Variants in HDAC9 observed in about 807,000 individuals in gnomAD.
HDAC9 encodes histone deacetylase 9, also known as MEF-2 interacting transcription repressor (MITR) protein.
Under a neutral mutation model 139.4 loss-of-function variants are expected in HDAC9, and 41 were observed. The observed-to-expected ratio is 0.29, with a 90% CI of 0.23 to 0.38. The LOEUF is 0.38. HDAC9 is among the 10% of genes least tolerant of loss of function. HDAC9 has a pLI of 1.00. For missense variants in HDAC9, 1,147 were observed against 1,297.0 expected, an observed-to-expected ratio of 0.88 and a Z score of 1.78; for synonymous variants, 517 against 476.2, an observed-to-expected ratio of 1.09 and a Z score of -1.12.
intron 2 of HDAC9, among the ~76,000 whole-genome samples, chr7:18,520,462 G>A (rs1804674604): frequency 1.3e-5 from 2 of 152,168 alleles, no homozygotes; most frequent in Non-Finnish European, 2.9e-5. Flanking sequence ...CCTAAATGGA[G>A]TTGGTTAATT....
intron 23 of HDAC9, chr7:18,949,294 CT>C (rs1782622471): frequency 1.4e-5 from 3 of 210,396 alleles, no homozygotes; most frequent in Non-Finnish European, 2.9e-5. Flanking sequence ...CAAGTTTTTA[CT>C]TTTTTTCTGT....
chr7:18,369,561 G>A (rs1784438303), intron 1 of HDAC9, among the ~76,000 whole-genome samples: 1 of 151,186 alleles, frequency 6.6e-6, no homozygotes, highest in South Asian at 2.1e-4. Flanking sequence ...ATTTTATCTT[G>A]AGCTTGATAT....
intron 17 of HDAC9, among the ~76,000 whole-genome samples, chr7:18,799,265 G>A (rs1001394039): frequency 2.0e-5 from 3 of 152,040 alleles, no homozygotes; most frequent in African/African-American, 7.2e-5. Flanking sequence ...AGAAAATGAC[G>A]ATAACAAAAA....
chr7:18,501,734 C>T (rs1474391015), intron 2 of HDAC9, among the ~76,000 whole-genome samples: 1 of 152,108 alleles, frequency 6.6e-6, no homozygotes, highest in Non-Finnish European at 1.5e-5. Flanking sequence ...TTTCTTTCAG[C>T]ATCATACCTC....
chr7:18,504,983 C>T (rs1799363194), intron 2 of HDAC9, among the ~76,000 whole-genome samples: 1 of 152,082 alleles, frequency 6.6e-6, no homozygotes, highest in African/African-American at 2.4e-5. Context: ...CTTCTTAATC[C>T]TGGGAGGTTT....
chr7:18,602,601 G>A (rs114281315), intron 6 of HDAC9, among the ~76,000 whole-genome samples: 6 of 151,280 alleles, frequency 4.0e-5, no homozygotes, highest in Non-Finnish European at 8.8e-5. Flanking sequence ...TTTGCCTCTA[G>A]GCACTGCTTT....
intron 14 of HDAC9, among the ~76,000 whole-genome samples, chr7:18,758,979 A>C (rs1789131178): frequency 6.6e-6 from 1 of 152,096 alleles, no homozygotes; most frequent in African/African-American, 2.4e-5. Context: ...AGCCAGTGTA[A>C]AATAGTTGCT....
chr7:18,147,003 G>A (rs1334481489), intron 1 of HDAC9, among the ~76,000 whole-genome samples: 1 of 152,176 alleles, frequency 6.6e-6, no homozygotes, highest in Non-Finnish European at 1.5e-5. Flanking sequence ...CTCAATATTT[G>A]CATATTTTAG....
chr7:18,695,051 A>G (rs939125183), intron 12 of HDAC9, among the ~76,000 whole-genome samples: 3 of 152,286 alleles, frequency 2.0e-5, no homozygotes, highest in Non-Finnish European at 4.4e-5. Context: ...TGGAATTAGT[A>G]AGGACATAAG....
chr7:18,976,917 G>A (rs1480998764), intron 25 of HDAC9, among the ~76,000 whole-genome samples: 1 of 152,164 alleles, frequency 6.6e-6, no homozygotes, highest in East Asian at 1.9e-4. Flanking sequence ...CCTGCTACTA[G>A]TGCACAGGTT....
At chr7:18,652,014 T>C (rs1259451349) in intron 11 of HDAC9, among the ~76,000 whole-genome samples, 1 of 152,180 alleles carries the variant, frequency 6.6e-6, no homozygotes, top group African/African-American at 2.4e-5. Context: ...TTGAGAAGTT[T>C]AATCATAAAG....
In HDAC9 at chr7:18,791,262, TTCTTGAGTCACCGAATACA is replaced by T. The variant is rs372458961; in HGVS notation, c.2215-2078_2215-2060del. ...AAAAGGGCTTAGGAATTTTACATGGTTCTTGAGTCACCGAATACATCTTTTGGAATTTATTTATTTTATT... is the reference window on the plus strand; with the variant it reads ...AAAAGGGCTTAGGAATTTTACATGGTTCTTTTGGAATTTATTTATTTTATT... On this transcript the variant is annotated intron_variant, in intron 16 of 25. Transcript: ENST00000686413. 4.6e-3 allele frequency among the ~76,000 whole-genome samples: 698 copies of T among 152,334 alleles called. 5 individuals are homozygous for T. Among genetic ancestry groups the T allele is most frequent in the African/African-American group, 0.016 (665 of 41,576 alleles).
chr7:18,263,941 G>A (rs945405050), intron 2 of HDAC9, among the ~76,000 whole-genome samples: 14 of 152,002 alleles, frequency 9.2e-5, no homozygotes, highest in African/African-American at 3.4e-4. Flanking sequence ...AGATTTTAAA[G>A]GACAATAATT....
chr7:18,254,561 A>G (rs757794394), intron 2 of HDAC9, among the ~76,000 whole-genome samples: 1 of 152,224 alleles, frequency 6.6e-6, no homozygotes, highest in Admixed American at 6.5e-5. Context: ...AGAGTAGCAT[A>G]GAAAGGCTTT....
At chr7:18,096,820 C>T (rs1031623901) in intron 1 of HDAC9, among the ~76,000 whole-genome samples, 10 of 151,770 alleles carry the variant, frequency 6.6e-5, no homozygotes, top group Non-Finnish European at 1.5e-4. Context: ...CGTAGCACAG[C>T]AACTCTCACA....
At chr7:18,800,321 C>T (rs747448184) in intron 17 of HDAC9, among the ~76,000 whole-genome samples, 5 of 152,108 alleles carry the variant, frequency 3.3e-5, no homozygotes, top group Admixed American at 1.3e-4. Flanking sequence ...CTTTCTTATT[C>T]TTCCTCACTA....
chr7:18,744,288 G>A (rs752068764), intron 13 of HDAC9, among the ~76,000 whole-genome samples: 10 of 152,012 alleles, frequency 6.6e-5, no homozygotes, highest in African/African-American at 1.2e-4. Context: ...CACCGCGCCC[G>A]GCCTTTACTA....
chr7:18,521,666 T>A (rs1805076103), intron 2 of HDAC9, among the ~76,000 whole-genome samples: 2 of 152,194 alleles, frequency 1.3e-5, no homozygotes, highest in African/African-American at 4.8e-5. Flanking sequence ...CAGATTATGT[T>A]TGACTTGCAG....
At chr7:18,991,893 G>T (rs1786007332) in intron 25 of HDAC9, among the ~76,000 whole-genome samples, 3 of 152,200 alleles carry the variant, frequency 2.0e-5, no homozygotes, top group African/African-American at 7.2e-5. Context: ...TATGAGAGCA[G>T]GGATGTTTGT....
Sources: gnomAD v4.1 joint callset for allele counts (sites outside exome capture counted in the v4.1 genomes callset) on GRCh38, gnomAD v4.1.1 for gene constraint, MANE v1.5 for transcripts, NCBI Gene and HGNC (gene_info 2026-07-23, HGNC 2026-07-21) for gene names.